Variants in BABAM2 observed in about 807,000 individuals in gnomAD.
BABAM2 encodes BRISC and BRCA1 A complex member 2, also known as BRISC and BRCA1-A complex member 2.
A neutral mutation model predicts 54.7 loss-of-function variants in BABAM2; 31 were observed. The observed-to-expected ratio is 0.57, with a 90% CI of 0.43 to 0.77. The LOEUF (loss-of-function observed/expected upper bound fraction) is 0.77. BABAM2 is among the 30% of genes least tolerant of loss of function. BABAM2 has a pLI of 0.00. For synonymous variants in BABAM2, 167 were observed against 162.9 expected (o/e 1.03, Z -0.19); for missense variants, 364 against 455.8 (o/e 0.80, Z 1.83).
At chr2:28,123,459 A>G (rs151093672) in intron 6 of BABAM2, among the ~76,000 whole-genome samples, 1,499 of 142,904 alleles carry the variant, frequency 0.01, 17 homozygotes, top group Non-Finnish European at 0.018. Context: ...CAGAGCCCTG[A>G]AAATGTATAC....
At chr2:28,177,823 A>G (rs1339026160) in intron 7 of BABAM2, among the ~76,000 whole-genome samples, 4 of 152,154 alleles carry the variant, frequency 2.6e-5, no homozygotes, top group African/African-American at 7.2e-5. Flanking sequence ...ATGGAAGCCA[A>G]TAGCAAACAA....
In BABAM2 at chr2:28,281,187, C is replaced by T. The variant is rs74449988; in HGVS notation, c.935-17151C>T. Among the ~76,000 whole-genome samples the T allele has an allele frequency of 7.2e-3, 1,090 of 152,212 alleles. 6 individuals carry two copies. Among genetic ancestry groups the T allele is most frequent in the African/African-American group, 0.025 (1,032 of 41,536 alleles). ...TAGGCCTCCCCTGGGCTGCCCCCAC[C>T]GGCATTCAAGGATTGTATTTTTATC... On this transcript the variant is annotated intron_variant, in intron 10 of 11. Coordinates refer to ENST00000379624, the MANE Select transcript of BABAM2 (RefSeq NM_199191.3).
intron 2 of BABAM2, chr2:27,895,036 T>C (rs528104718): frequency 5.4e-4 from 104 of 192,600 alleles, no homozygotes; most frequent in African/African-American, 2.3e-3. Flanking sequence ...CTGAATCTGA[T>C]ACCATTTGGT....
At chr2:28,153,507 G>A (rs1400631688) in intron 7 of BABAM2, among the ~76,000 whole-genome samples, 1 of 152,206 alleles carries the variant, frequency 6.6e-6, no homozygotes, top group African/African-American at 2.4e-5. Context: ...TATAGAAACT[G>A]TGGTAAAAAT....
chr2:28,209,623 A>G (rs1217115447), intron 7 of BABAM2, among the ~76,000 whole-genome samples: 3 of 152,334 alleles, frequency 2.0e-5, no homozygotes, highest in Non-Finnish European at 2.9e-5. Context: ...TTACTCATCC[A>G]TTCAACATGC....
chr2:28,061,402 G>A (rs1479447901), intron 6 of BABAM2, among the ~76,000 whole-genome samples: 2 of 151,660 alleles, frequency 1.3e-5, no homozygotes, highest in Admixed American at 6.6e-5. Flanking sequence ...TGGCTAATAC[G>A]GTGAAACCTT....
intron 7 of BABAM2, among the ~76,000 whole-genome samples, chr2:28,158,482 A>T (rs1672760619): frequency 6.6e-6 from 1 of 152,248 alleles, no homozygotes; most frequent in African/African-American, 2.4e-5. Context: ...CCCTAAAACT[A>T]CCAGCAGCAA....
intron 3 of BABAM2, among the ~76,000 whole-genome samples, chr2:27,953,989 G>A (rs1347746381): frequency 6.6e-6 from 1 of 152,140 alleles, no homozygotes; most frequent in Non-Finnish European, 1.5e-5. Flanking sequence ...AATAAAATTT[G>A]TTTCATCCCT....
chr2:28,265,346 G>A (rs549503343), intron 10 of BABAM2, among the ~76,000 whole-genome samples: 2 of 152,322 alleles, frequency 1.3e-5, no homozygotes, highest in Admixed American at 1.3e-4. Flanking sequence ...AGAATCACTT[G>A]AACACGGGAG....
chr2:28,217,476 A>G (rs1331126080), intron 7 of BABAM2, among the ~76,000 whole-genome samples: 1 of 152,254 alleles, frequency 6.6e-6, no homozygotes, highest in Non-Finnish European at 1.5e-5. Flanking sequence ...TTTTCACAGT[A>G]GCCCTGCGAA....
rs1449125228 is a variant in BABAM2 at position 28,276,545 on chromosome 2, G to A, written c.935-21793G>A. On this transcript the variant is annotated intron_variant, in intron 10 of 11. Coordinates refer to ENST00000379624, the MANE Select transcript of BABAM2 (RefSeq NM_199191.3). Reference sequence around the variant, plus strand: ...CGACCTGTGATCCACGCTGGGTAACGTGCCCATTGAGCCTGCTGGTACACA... The same window carrying A: ...CGACCTGTGATCCACGCTGGGTAACATGCCCATTGAGCCTGCTGGTACACA... Among the ~76,000 whole-genome samples, 3 of 152,126 alleles carry A rather than the reference G, an allele frequency of 2.0e-5. No individual in the cohort carries two copies. The East Asian group carries it at 5.8e-4, about 29-fold the overall frequency.
chr2:28,129,455 T>A, intron 7 of BABAM2, 75 bp downstream of exon 7: 1 of 1,231,944 alleles, frequency 8.1e-7, no homozygotes, highest in Non-Finnish European at 1.2e-6. Context: ...CTTTTGCCAC[T>A]CTTGAACTCT....
intron 7 of BABAM2, 27 bp downstream of exon 7, chr2:28,129,407 TG>T (rs1225590424): frequency 1.3e-6 from 2 of 1,543,740 alleles, no homozygotes; most frequent in Non-Finnish European, 1.8e-6. Context: ...TGAGGTAGCC[TG>T]GTGCTACTTC....
At chr2:28,247,197 C>T (rs1682989654) in intron 10 of BABAM2, among the ~76,000 whole-genome samples, 1 of 152,108 alleles carries the variant, frequency 6.6e-6, no homozygotes, top group African/African-American at 2.4e-5. Flanking sequence ...CTGTTTGGTC[C>T]CTGTCTCTTA....
At chr2:27,904,635 A>G (rs1403136555) in intron 2 of BABAM2, among the ~76,000 whole-genome samples, 2 of 152,222 alleles carry the variant, frequency 1.3e-5, no homozygotes, top group Non-Finnish European at 2.9e-5. Context: ...CAAAACAGAG[A>G]CAATGCAAGG....
chr2:28,000,322 G>GT (rs1433772102), intron 4 of BABAM2, among the ~76,000 whole-genome samples: 1 of 152,036 alleles, frequency 6.6e-6, no homozygotes, highest in African/African-American at 2.4e-5. Flanking sequence ...GTTTTGCAGA[G>GT]TAACTGGCCA....
chr2:28,219,822 CTGCGGAGCCA>C (rs1159436789), intron 7 of BABAM2, among the ~76,000 whole-genome samples: 3 of 152,198 alleles, frequency 2.0e-5, no homozygotes, highest in African/African-American at 7.2e-5. Context: ...GCTTGAGCCG[CTGCGGAGCCA>C]AGCAAGCACG....
At chr2:28,163,249 C>T (rs918595599) in intron 7 of BABAM2, among the ~76,000 whole-genome samples, 2 of 152,074 alleles carry the variant, frequency 1.3e-5, no homozygotes, top group African/African-American at 2.4e-5. Flanking sequence ...TGGGTGCCAG[C>T]GCTTCTTCCA....
intron 7 of BABAM2, among the ~76,000 whole-genome samples, chr2:28,158,542 A>G (rs1444008794): frequency 2.0e-5 from 3 of 152,244 alleles, no homozygotes. Context: ...TCTCAGTACC[A>G]GTATGAGCTC....
Sources: gnomAD v4.1 joint callset for allele counts (sites outside exome capture counted in the v4.1 genomes callset) on GRCh38, gnomAD v4.1.1 for gene constraint, MANE v1.5 for transcripts, NCBI Gene and HGNC (gene_info 2026-07-23, HGNC 2026-07-21) for gene names.